Variants in ACACA observed in about 807,000 individuals in gnomAD.
ACACA encodes the protein acetyl-CoA carboxylase alpha.
Under a neutral mutation model 296.1 loss-of-function variants are expected in ACACA, and 103 were observed. The ratio of observed to expected loss-of-function variants is 0.35; its 90% CI spans 0.30 to 0.41. ACACA has a LOEUF of 0.41. Among genes scored for constraint, ACACA ranks in the 10% least tolerant of loss-of-function variants. The pLI is 1.00. For missense variants in ACACA, 1,554 were observed against 2,989.7 expected (o/e 0.52, Z 11.20); for synonymous variants, 953 against 1,038.6 (o/e 0.92, Z 1.58).
chr17:37,359,078 G>T (rs1052425541), intron 1 of ACACA: 1 of 985,918 alleles, frequency 1.0e-6, no homozygotes, highest in Non-Finnish European at 1.2e-6. Context: ...AGACGCCGGC[G>T]GCTCGGGCGA....
rs531231191 is a variant in ACACA, at chr17:37,365,502, C to A, written c.39-25652G>T. ...CCGTCTTCACGTTGTCTCTGAGAGG[C>A]AAAGCCTCCAGTGGGATATATAGCT... On this transcript the variant is annotated intron_variant, in intron 1 of 55. Transcript: ENST00000616317. 3.5e-5 allele frequency: 34 copies of A among 985,432 alleles called. No homozygotes were observed. The South Asian group carries it at 1.5e-3, about 44-fold the overall frequency. The allele number at this position is 985,432 out of a possible 1,614,324, so 61.0% of individuals were successfully genotyped here.
chr17:37,137,551 C>A (rs1189773626), intron 45 of ACACA, among the ~76,000 whole-genome samples: 1 of 152,202 alleles, frequency 6.6e-6, no homozygotes, highest in Non-Finnish European at 1.5e-5. Flanking sequence ...TGCATGTGAT[C>A]TACCACATTT....
intron 3 of ACACA, among the ~76,000 whole-genome samples, chr17:37,322,771 G>A (rs376355446): frequency 6.6e-6 from 1 of 152,142 alleles, no homozygotes; most frequent in Non-Finnish European, 1.5e-5. Flanking sequence ...GGACACCGAG[G>A]GGAATTCAAC....
At chr17:37,107,988 G>A (rs2073781818) in intron 52 of ACACA, among the ~76,000 whole-genome samples, 1 of 152,210 alleles carries the variant, frequency 6.6e-6, no homozygotes, top group Non-Finnish European at 1.5e-5. Flanking sequence ...AAAGGACTTG[G>A]AGGGCTGCGG....
chr17:37,250,984 G>A (rs1478317284), intron 16 of ACACA, among the ~76,000 whole-genome samples: 1 of 152,120 alleles, frequency 6.6e-6, no homozygotes, highest in Non-Finnish European at 1.5e-5. Context: ...CCGAGATTGC[G>A]CCACTGCACT....
At chr17:37,106,123 A>C (rs2073672274) in intron 52 of ACACA, among the ~76,000 whole-genome samples, 1 of 150,752 alleles carries the variant, frequency 6.6e-6, no homozygotes, top group African/African-American at 2.5e-5. Context: ...TGTTGAAAGA[A>C]ATTTTTCTAT....
chr17:37,296,693 T>G (rs536870552), intron 3 of ACACA, among the ~76,000 whole-genome samples: 1 of 151,872 alleles, frequency 6.6e-6, no homozygotes, highest in Non-Finnish European at 1.5e-5. Context: ...CTTCTTGACA[T>G]AGTGGTAATT....
chr17:37,243,886 T>A (rs1308814549), intron 21 of ACACA, among the ~76,000 whole-genome samples: 1 of 152,216 alleles, frequency 6.6e-6, no homozygotes, highest in African/African-American at 2.4e-5. Context: ...AAAATTTATA[T>A]AATTTTCAAT....
At chr17:37,090,021 A>T (rs555173703) in intron 54 of ACACA, among the ~76,000 whole-genome samples, 20 of 152,360 alleles carry the variant, frequency 1.3e-4, no homozygotes, top group South Asian at 6.2e-4. Flanking sequence ...TAACGAAGTC[A>T]AAGTCAGAAT....
intron 26 of ACACA, among the ~76,000 whole-genome samples, chr17:37,226,057 G>A (rs2079529610): frequency 6.6e-6 from 1 of 152,042 alleles, no homozygotes; most frequent in African/African-American, 2.4e-5. Flanking sequence ...TCCTCCACCT[G>A]ACCCTGGTTT....
intron 14 of ACACA, among the ~76,000 whole-genome samples, chr17:37,253,388 T>TC (rs1341738833): frequency 6.6e-6 from 1 of 151,450 alleles, no homozygotes; most frequent in Non-Finnish European, 1.5e-5. Context: ...CGAGACTCTG[T>TC]CCCCCCAAAA....
intron 29 of ACACA, among the ~76,000 whole-genome samples, chr17:37,214,272 C>T (rs8072607): frequency 2.7e-4 from 41 of 152,204 alleles, no homozygotes; most frequent in Non-Finnish European, 3.5e-4. Context: ...ATCTGAACCA[C>T]GTATTTCTAC....
intron 42 of ACACA, among the ~76,000 whole-genome samples, chr17:37,160,004 T>C (rs35005664): frequency 1.8e-3 from 270 of 152,250 alleles, no homozygotes; most frequent in African/African-American, 5.6e-3. Flanking sequence ...TAGAATTCAG[T>C]AATATGGAAT....
intron 1 of ACACA, chr17:37,389,438 T>C (rs962314814): frequency 6.6e-7 from 1 of 1,513,638 alleles, no homozygotes; most frequent in African/African-American, 1.4e-5. Context: ...GGCTCACACC[T>C]CTATTCCCAG....
chr17:37,180,963 T>C (rs558320561), intron 40 of ACACA, among the ~76,000 whole-genome samples: 6 of 152,334 alleles, frequency 3.9e-5, no homozygotes, highest in African/African-American at 1.4e-4. Flanking sequence ...GTTTACTCTC[T>C]CCTGTCTCCT....
intron 3 of ACACA, among the ~76,000 whole-genome samples, chr17:37,316,302 T>TACACACACACACACACAC (rs10533479): frequency 7.1e-4 from 101 of 142,592 alleles, no homozygotes; most frequent in African/African-American, 2.1e-3. Context: ...TACCCTTACA[T>TACACACACACACACACAC]ACACACACAC....
intron 3 of ACACA, among the ~76,000 whole-genome samples, chr17:37,326,964 G>A (rs966326599): frequency 9.2e-5 from 14 of 152,100 alleles, no homozygotes; most frequent in Non-Finnish European, 2.1e-4. Flanking sequence ...CATACCACTA[G>A]ACTTCTCAGC....
At chr17:37,213,731 T>A (rs1192231964) in intron 29 of ACACA, among the ~76,000 whole-genome samples, 1 of 152,194 alleles carries the variant, frequency 6.6e-6, no homozygotes, top group Middle Eastern at 3.2e-3. Context: ...TTCCCGGCAC[T>A]AAGTCACCTC....
intron 34 of ACACA, 46 bp downstream of exon 34, chr17:37,200,378 TAGC>T (rs199809099): frequency 1.3e-6 from 2 of 1,523,376 alleles, no homozygotes; most frequent in South Asian, 2.2e-5. Context: ...TATTAAGTTG[TAGC>T]AGCAGCATAA....
Sources: allele counts gnomAD v4.1 joint callset (sites outside exome capture counted in the v4.1 genomes callset), GRCh38; gene constraint gnomAD v4.1.1; transcripts MANE v1.5; gene names NCBI Gene and HGNC (gene_info 2026-07-23, HGNC 2026-07-21).